Variants in ROBO1 observed in about 807,000 individuals in gnomAD.
The protein encoded by ROBO1 is roundabout guidance receptor 1.
A neutral mutation model predicts 195.9 loss-of-function variants in ROBO1; 149 were observed. The ratio of observed to expected loss-of-function variants is 0.76; its 90% CI spans 0.67 to 0.87. ROBO1 has a LOEUF of 0.87. Ranked by LOEUF, ROBO1 falls within the 40% of genes least tolerant of loss-of-function variation. The pLI is 0.00. For missense variants in ROBO1, 1,933 were observed against 2,068.3 expected, an observed-to-expected ratio of 0.93 and a Z score of 1.27; for synonymous variants, 816 against 733.2, an observed-to-expected ratio of 1.11 and a Z score of -1.82.
intron 2 of ROBO1, among the ~76,000 whole-genome samples, chr3:79,500,587 G>T (rs1322347518): frequency 1.3e-5 from 2 of 152,192 alleles, no homozygotes; most frequent in Non-Finnish European, 2.9e-5. Flanking sequence ...AAGACCTGAT[G>T]ACTCCTCTTT....
intron 8 of ROBO1, among the ~76,000 whole-genome samples, chr3:78,708,797 A>G (rs551296483): frequency 6.6e-6 from 1 of 152,320 alleles, no homozygotes; most frequent in Admixed American, 6.5e-5. Context: ...TATGTAGTAT[A>G]TATCTTTTTG....
At chr3:79,345,481 C>T (rs535180580) in intron 2 of ROBO1, among the ~76,000 whole-genome samples, 6 of 152,064 alleles carry the variant, frequency 3.9e-5, no homozygotes, top group South Asian at 2.1e-4. Context: ...TGGGGGCAAA[C>T]GATTCCAGAC....
At chr3:79,059,519 G>T (rs909075634) in intron 3 of ROBO1, among the ~76,000 whole-genome samples, 8 of 152,200 alleles carry the variant, frequency 5.3e-5, no homozygotes, top group Admixed American at 4.6e-4. Context: ...GAGCGATGTT[G>T]TGGGAAGTCA....
chr3:79,304,641 A>G (rs1296210015), intron 2 of ROBO1, among the ~76,000 whole-genome samples: 1 of 152,162 alleles, frequency 6.6e-6, no homozygotes, highest in African/African-American at 2.4e-5. Flanking sequence ...TTGCTTTGGA[A>G]GTTTCATCCA....
chr3:78,644,992 G>T (rs943525673), intron 21 of ROBO1, among the ~76,000 whole-genome samples: 1 of 152,090 alleles, frequency 6.6e-6, no homozygotes, highest in Non-Finnish European at 1.5e-5. Context: ...ATGAATGTCT[G>T]GGCTGTGATT....
At chr3:78,601,479 T>G (rs1318619172) in intron 29 of ROBO1, among the ~76,000 whole-genome samples, 1 of 152,222 alleles carries the variant, frequency 6.6e-6, no homozygotes, top group Non-Finnish European at 1.5e-5. Context: ...GATGACTGTT[T>G]CTGCAGCTTC....
chr3:78,723,295 G>T (rs923708708), intron 5 of ROBO1, among the ~76,000 whole-genome samples: 2 of 152,128 alleles, frequency 1.3e-5, no homozygotes, highest in African/African-American at 4.8e-5. Context: ...CGGCCTAGGA[G>T]GAACTGGCTA....
At chr3:79,331,496 T>A (rs977761089) in intron 2 of ROBO1, among the ~76,000 whole-genome samples, 15 of 152,330 alleles carry the variant, frequency 9.8e-5, no homozygotes, top group South Asian at 6.2e-4. Flanking sequence ...AGTACTTTTT[T>A]AAAAAATAAG....
chr3:78,928,538 G>A (rs780929494), intron 4 of ROBO1, among the ~76,000 whole-genome samples: 6 of 152,140 alleles, frequency 3.9e-5, no homozygotes, highest in East Asian at 1.9e-4. Context: ...GCTACTTTGC[G>A]TGATTTAAGC....
chr3:79,442,332 A>G (rs1354211901), intron 2 of ROBO1, among the ~76,000 whole-genome samples: 1 of 152,186 alleles, frequency 6.6e-6, no homozygotes. Flanking sequence ...ATATAAAAAC[A>G]TAGTGCCATA....
intron 19 of ROBO1, 75 bp from the exon 20 acceptor site, chr3:78,647,730 T>C (rs1055798273): frequency 1.5e-5 from 18 of 1,198,492 alleles, no homozygotes; most frequent in South Asian, 3.6e-5. Flanking sequence ...TTAGTATAAA[T>C]CAAGCAGACA....
At chr3:79,364,176 G>A (rs557704620) in intron 2 of ROBO1, among the ~76,000 whole-genome samples, 5 of 151,512 alleles carry the variant, frequency 3.3e-5, no homozygotes, top group Admixed American at 2.6e-4. Context: ...CTGCACTCTA[G>A]CCTGGGCAAC....
intron 3 of ROBO1, among the ~76,000 whole-genome samples, chr3:78,975,182 T>C (rs1402334733): frequency 6.6e-6 from 1 of 152,182 alleles, no homozygotes; most frequent in African/African-American, 2.4e-5. Flanking sequence ...CTTAGACTAA[T>C]CTCACTCTTA....
At chr3:79,072,436 C>T (rs1249003062) in intron 3 of ROBO1, among the ~76,000 whole-genome samples, 1 of 151,850 alleles carries the variant, frequency 6.6e-6, no homozygotes, top group Non-Finnish European at 1.5e-5. Flanking sequence ...AATAATATAG[C>T]AGTGACAAGC....
intron 2 of ROBO1, among the ~76,000 whole-genome samples, chr3:79,448,006 T>C (rs775982816): frequency 6.6e-6 from 1 of 152,236 alleles, no homozygotes; most frequent in Non-Finnish European, 1.5e-5. Flanking sequence ...AAATAATGTT[T>C]ACTGAGTTGT....
intron 2 of ROBO1, among the ~76,000 whole-genome samples, chr3:79,137,997 AG>A (rs1479895871): frequency 6.6e-6 from 1 of 152,094 alleles, no homozygotes; most frequent in Non-Finnish European, 1.5e-5. Flanking sequence ...GTATTTAATA[AG>A]GTAGTCAGTT....
rs373084725 is a variant in ROBO1 at position 79,125,529 on chromosome 3, A to T, written c.99T>A (p.Asp33Glu). ...FLAQLIPDPE[D>E]VERGNDHGTP... ...TCCCGTGGTCGTTCCCCCTCTCTAC[A>T]TCTTCAGGGTCTGTCGGAAACAACA... The change falls in exon 3 of 31, where the codon GAT (aspartate) becomes GAA (glutamate). Residue 33 changes from aspartate (D) to glutamate (E), a missense_variant. Physicochemically the swap from Asp to Glu is conservative, Grantham distance 45. Around this residue, in one of 3 missense-constraint regions of ROBO1, gnomAD observed 185 missense variants for 159.5 expected, o/e 1.16. Coordinates refer to ENST00000464233, the MANE Select transcript of ROBO1 (RefSeq NM_002941.4). 6.2e-7 allele frequency: 1 copy of T among 1,613,392 alleles called. No homozygotes were observed. Among genetic ancestry groups the T allele is most frequent in the African/African-American group, 1.3e-5 (1 of 74,892 alleles).
intron 2 of ROBO1, among the ~76,000 whole-genome samples, chr3:79,366,623 C>T (rs1344625465): frequency 6.6e-6 from 1 of 152,140 alleles, no homozygotes; most frequent in African/African-American, 2.4e-5. Context: ...AAATAGAATG[C>T]CCAGCACTTG....
chr3:79,274,051 C>T lies in ROBO1; in HGVS notation c.89-148512G>A, dbSNP rs115548436. ...TAGAGCTAAAGAAAGAGATAGACCC[C>T]AACATAATAATAGCTGGAGCCTTAA... is the stretch of plus-strand genomic sequence containing the variant. On this transcript the variant is annotated intron_variant, in intron 2 of 30. Coordinates refer to ENST00000464233, the MANE Select transcript of ROBO1 (RefSeq NM_002941.4). 3.2e-3 allele frequency among the ~76,000 whole-genome samples: 491 copies of T among 152,062 alleles called. 3 individuals are homozygous for T. Among genetic ancestry groups the T allele is most frequent in the African/African-American group, 0.011 (458 of 41,528 alleles).
Sources: allele counts gnomAD v4.1 joint callset (sites outside exome capture counted in the v4.1 genomes callset), GRCh38; gene constraint gnomAD v4.1.1; regional missense constraint gnomAD v4.1.1; transcripts MANE v1.5; gene names NCBI Gene and HGNC (gene_info 2026-07-23, HGNC 2026-07-21).